Variants in ERICH1 observed in about 807,000 individuals in gnomAD.
ERICH1 encodes the protein glutamate-rich protein 1.
ERICH1 carries 56 observed loss-of-function variants against 39.6 expected under a neutral mutation model. The ratio of observed to expected loss-of-function variants is 1.41; its 90% confidence interval spans 1.14 to 1.77. The LOEUF is 1.77. ERICH1 is among the 40% of genes most tolerant of loss of function. ERICH1 has a pLI of 0.00. For synonymous variants in ERICH1, 313 were observed against 223.6 expected (o/e 1.40, Z -3.57); for missense variants, 826 against 575.4 (o/e 1.44, Z -4.45).
chr8:701,728 A>C (rs1402209054), intron 2 of ERICH1, among the ~76,000 whole-genome samples: 1 of 152,218 alleles, frequency 6.6e-6, no homozygotes, highest in Non-Finnish European at 1.5e-5. Context: ...CAAAACACAA[A>C]AACTATGAAA....
chr8:681,136 C>G (rs1487550861), intron 3 of ERICH1, among the ~76,000 whole-genome samples: 1 of 152,288 alleles, frequency 6.6e-6, no homozygotes, highest in East Asian at 1.9e-4. Context: ...GTGGCCTCTG[C>G]ACCCCACTTC....
At chr8:621,197 G>C (rs1015404021) in intron 3 of ERICH1, among the ~76,000 whole-genome samples, 1 of 151,798 alleles carries the variant, frequency 6.6e-6, no homozygotes, top group Non-Finnish European at 1.5e-5. Flanking sequence ...AATTACAAGG[G>C]AAATTAGAAA....
intron 3 of ERICH1, among the ~76,000 whole-genome samples, chr8:685,291 G>T (rs534942308): frequency 1.3e-5 from 2 of 152,160 alleles, no homozygotes; most frequent in Admixed American, 1.3e-4. Context: ...TGTCCTGCCC[G>T]GCTCCCAGGC....
In ERICH1 at chr8:630,426, CACAG is replaced by C. The variant is rs1356862868; in HGVS notation, c.977-15146_977-15143del. On this transcript the variant is annotated intron_variant, in intron 3 of 3. Transcript: ENST00000522706. Reference sequence around the variant, plus strand: ...ACTCACACCCTCCTGTGACCACCCACACAGACAGAGATGACTCACACCCTCCCGT... The same window carrying C: ...ACTCACACCCTCCTGTGACCACCCACACAGAGATGACTCACACCCTCCCGT... 3.3e-3 allele frequency among the ~76,000 whole-genome samples: 441 copies of C among 135,204 alleles called. 1 individual carries two copies. Among genetic ancestry groups the C allele is most frequent in the Non-Finnish European group, 4.8e-3 (296 of 61,616 alleles). 88.7% of individuals were successfully genotyped at this position (135,204 alleles called of 152,430 possible).
At position 678,209 on chromosome 8, in the gene ERICH1, G is replaced by A. The variant is rs79853476; in HGVS notation, c.305-4162C>T. Among the ~76,000 whole-genome samples the A allele has an allele frequency of 9.1e-3, 1,380 of 151,926 alleles. 18 individuals are homozygous for A. The highest frequency in any genetic ancestry group is 0.032 in the African/African-American group (1,312 of 41,422). ...AGGATGCTCCCTGCAGTTACTCCTTGGGTGGTCTAAGTATAGGCTGCTTTT... is the reference window on the plus strand; with the variant it reads ...AGGATGCTCCCTGCAGTTACTCCTTAGGTGGTCTAAGTATAGGCTGCTTTT... On this transcript the variant is annotated intron_variant, in intron 3 of 5. Coordinates refer to ENST00000262109, the MANE Select transcript of ERICH1 (RefSeq NM_207332.3).
chr8:643,917 C>T (rs916504231), intron 3 of ERICH1, among the ~76,000 whole-genome samples: 11 of 152,238 alleles, frequency 7.2e-5, no homozygotes, highest in Admixed American at 5.9e-4. Context: ...CCTGGAGAAA[C>T]ACCCGGAATC....
At chr8:654,900 G>T (rs1420622108) in intron 3 of ERICH1, among the ~76,000 whole-genome samples, 2 of 152,230 alleles carry the variant, frequency 1.3e-5, no homozygotes, top group African/African-American at 4.8e-5. Flanking sequence ...CACCTGCCAA[G>T]CTGGAGACAG....
At chr8:617,017 G>C (rs1467429272) in intron 3 of ERICH1, among the ~76,000 whole-genome samples, 1 of 150,244 alleles carries the variant, frequency 6.7e-6, no homozygotes, top group Non-Finnish European at 1.5e-5. Flanking sequence ...TATCCAGAAG[G>C]AAGAAAAACG....
At chr8:705,955 G>C (rs972162150) in intron 2 of ERICH1, among the ~76,000 whole-genome samples, 7 of 152,254 alleles carry the variant, frequency 4.6e-5, no homozygotes, top group Non-Finnish European at 1.0e-4. Flanking sequence ...CTGCATATAG[G>C]ACGGCGGACC....
intron 3 of ERICH1, among the ~76,000 whole-genome samples, chr8:682,879 G>C (rs1188916597): frequency 6.6e-6 from 1 of 152,184 alleles, no homozygotes; most frequent in African/African-American, 2.4e-5. Flanking sequence ...GCTACAAATT[G>C]CATCTGATAA....
At chr8:712,981 A>C (rs1464250084) in intron 2 of ERICH1, among the ~76,000 whole-genome samples, 4 of 152,264 alleles carry the variant, frequency 2.6e-5, no homozygotes, top group Non-Finnish European at 5.9e-5. Context: ...GGGCGAAGTC[A>C]ACAACAGACA....
chr8:730,837 G>A (rs1819815574), intron 1 of ERICH1, among the ~76,000 whole-genome samples: 1 of 152,180 alleles, frequency 6.6e-6, no homozygotes, highest in Non-Finnish European at 1.5e-5. Flanking sequence ...CACCAACAGG[G>A]GCTCTGCTAA....
At chr8:710,668 C>A (rs73521176) in intron 2 of ERICH1, among the ~76,000 whole-genome samples, 1 of 152,208 alleles carries the variant, frequency 6.6e-6, no homozygotes, top group Non-Finnish European at 1.5e-5. Flanking sequence ...TACTAATAAG[C>A]ATTTAAGGTC....
At chr8:719,789 T>A (rs969585603) in intron 1 of ERICH1, among the ~76,000 whole-genome samples, 2 of 152,168 alleles carry the variant, frequency 1.3e-5, no homozygotes, top group Admixed American at 1.3e-4. Context: ...TAAGGACTCG[T>A]AGATGTTTCA....
chr8:702,845 G>A (rs1812460844), intron 2 of ERICH1, among the ~76,000 whole-genome samples: 2 of 152,220 alleles, frequency 1.3e-5, no homozygotes, highest in African/African-American at 2.4e-5. Flanking sequence ...AGAGCTGGAT[G>A]CCCCGGGAAC....
intron 5 of ERICH1, chr8:666,607 C>G (rs1328279064): frequency 5.2e-5 from 8 of 152,444 alleles, no homozygotes; most frequent in Non-Finnish European, 1.0e-4. Context: ...TGGTCACGCT[C>G]CTGGTGGGCA....
At chr8:688,410 C>T (rs915485283) in intron 3 of ERICH1, among the ~76,000 whole-genome samples, 1 of 133,842 alleles carries the variant, frequency 7.5e-6, no homozygotes, top group Admixed American at 7.7e-5. Flanking sequence ...CCAGGCTCCG[C>T]TTCCCTCCGG....
chr8:656,466 A>G (rs1208570565), intron 3 of ERICH1, among the ~76,000 whole-genome samples: 5 of 152,142 alleles, frequency 3.3e-5, no homozygotes, highest in Admixed American at 2.0e-4. Flanking sequence ...TGTTTGCCCC[A>G]CTTTTTTGTG....
intron 1 of ERICH1, 23 bp from the exon 2 acceptor site, chr8:716,030 G>A: frequency 6.4e-7 from 1 of 1,569,002 alleles, no homozygotes; most frequent in Non-Finnish European, 8.6e-7. Flanking sequence ...CCGATTAAAA[G>A]AAAAGGAGGA....
Sources: gnomAD v4.1 joint callset for allele counts (sites outside exome capture counted in the v4.1 genomes callset) on GRCh38, gnomAD v4.1.1 for gene constraint, MANE v1.5 for transcripts, NCBI Gene and HGNC (gene_info 2026-07-23, HGNC 2026-07-21) for gene names.